GLIS3: variants seen among roughly 807,000 people sequenced by gnomAD.
The protein encoded by GLIS3 is zinc finger protein GLIS3.
A neutral mutation model predicts 78.6 loss-of-function variants in GLIS3; 53 were observed. The observed-to-expected ratio is 0.67, with a 90% CI of 0.54 to 0.85. The LOEUF is 0.85. Among genes scored for constraint, GLIS3 ranks in the 40% least tolerant of loss-of-function variants. The pLI is 0.00. For missense variants in GLIS3, 1,703 were observed against 1,231.1 expected, an observed-to-expected ratio of 1.38 and a Z score of -5.74; for synonymous variants, 684 against 509.9, an observed-to-expected ratio of 1.34 and a Z score of -4.60.
At chr9:3,936,876 A>G (rs1035160971) in intron 5 of GLIS3, 152 bp downstream of exon 5, 2 of 965,354 alleles carry the variant, frequency 2.1e-6, no homozygotes, top group African/African-American at 1.6e-5. Flanking sequence ...ATAGGGCCCC[A>G]TCTGGCCTTT....
chr9:4,096,885 G>A (rs552447914), intron 4 of GLIS3, among the ~76,000 whole-genome samples: 3 of 152,186 alleles, frequency 2.0e-5, no homozygotes, highest in Admixed American at 1.3e-4. Context: ...AGTGGCAGGC[G>A]CCTGTAATCC....
At chr9:4,207,345 G>C (rs970455004) in intron 2 of GLIS3, among the ~76,000 whole-genome samples, 1 of 152,156 alleles carries the variant, frequency 6.6e-6, no homozygotes, top group African/African-American at 2.4e-5. Context: ...CTTAACTTAG[G>C]AATTTCCATT....
the GLIS3 span, among the ~76,000 whole-genome samples, chr9:4,455,560 C>T: frequency 4.8e-4 from 73 of 152,294 alleles, no homozygotes; most frequent in African/African-American, 1.7e-3. Flanking sequence ...AGCGGATGAA[C>T]TTGCCTCTAA....
intron 2 of GLIS3, among the ~76,000 whole-genome samples, chr9:4,204,528 G>C (rs1412600255): frequency 6.6e-6 from 1 of 152,108 alleles, no homozygotes; most frequent in African/African-American, 2.4e-5. Context: ...AGCCCACCAA[G>C]GAACTAACGT....
chr9:3,927,960 TC>T (rs1825363105), intron 6 of GLIS3, among the ~76,000 whole-genome samples: 1 of 152,206 alleles, frequency 6.6e-6, no homozygotes, highest in African/African-American at 2.4e-5. Context: ...CAAAAGCATC[TC>T]CCAGAGCCTT....
chr9:4,270,237 C>T (rs1222203500), intron 2 of GLIS3, among the ~76,000 whole-genome samples: 2 of 152,224 alleles, frequency 1.3e-5, no homozygotes, highest in African/African-American at 4.8e-5. Flanking sequence ...AAATTACTTC[C>T]TGCCTTCCTG....
chr9:4,373,255 G>C, the GLIS3 span, among the ~76,000 whole-genome samples: 1 of 150,872 alleles, frequency 6.6e-6, no homozygotes, highest in Non-Finnish European at 1.5e-5. Context: ...TTAAGGCAGA[G>C]TATGAGCAGT....
the GLIS3 span, among the ~76,000 whole-genome samples, chr9:4,392,204 C>T: frequency 6.6e-6 from 1 of 150,608 alleles, no homozygotes; most frequent in African/African-American, 2.4e-5. Flanking sequence ...AGCACATGGA[C>T]ACAGGGAGGG....
Position 3,879,442 on chromosome 9 carries a change from T to C in GLIS3, c.2282A>G (p.Asp761Gly). Reference sequence around the variant, plus strand: ...ATGGCCTTACCTCTCAGCTCCTGCGTCCACAGCTGTGAGTGGAGGTAACTG... The same window carrying C: ...ATGGCCTTACCTCTCAGCTCCTGCGCCCACAGCTGTGAGTGGAGGTAACTG... ...SSQLPPLTAV[D>G]AGAERFAPSA... The change falls in exon 8 of 11, where the codon GAC becomes GGC. Residue 761 changes from aspartate to glycine, a missense_variant. Coordinates refer to ENST00000381971, the MANE Select transcript of GLIS3 (RefSeq NM_001042413.2). The C allele has an allele frequency of 6.2e-7, 1 of 1,614,064 alleles. No individual in the cohort carries two copies.
At chr9:4,313,722 C>G (rs983840484) in intron 2 of GLIS3, among the ~76,000 whole-genome samples, 1 of 152,210 alleles carries the variant, frequency 6.6e-6, no homozygotes, top group Admixed American at 6.5e-5. Context: ...CTGGACCAGT[C>G]TCCCACCTTA....
chr9:4,431,535 C>A, the GLIS3 span, among the ~76,000 whole-genome samples: 4 of 152,106 alleles, frequency 2.6e-5, no homozygotes, highest in Non-Finnish European at 2.9e-5. Flanking sequence ...CAGAGGCTGG[C>A]AAATGTTTTC....
intron 5 of GLIS3, 114 bp from the exon 6 acceptor site, chr9:3,932,584 G>T: frequency 1.3e-6 from 1 of 783,264 alleles, no homozygotes; most frequent in Non-Finnish European, 2.3e-6. Flanking sequence ...ATTGACTGAT[G>T]TGAAATGCTA....
intron 2 of GLIS3, among the ~76,000 whole-genome samples, chr9:4,263,582 T>C (rs1232192415): frequency 2.6e-5 from 4 of 152,100 alleles, no homozygotes; most frequent in Non-Finnish European, 5.9e-5. Flanking sequence ...ATTCTACAGA[T>C]GTTTTAAAGT....
At chr9:3,948,746 GTTGT>G (rs1253116379) in intron 4 of GLIS3, among the ~76,000 whole-genome samples, 2 of 152,160 alleles carry the variant, frequency 1.3e-5, no homozygotes, top group Non-Finnish European at 2.9e-5. Flanking sequence ...TTAAACTACT[GTTGT>G]TTATTATTTC....
intron 4 of GLIS3, among the ~76,000 whole-genome samples, chr9:4,050,389 T>A (rs967944795): frequency 2.0e-5 from 3 of 152,048 alleles, no homozygotes; most frequent in African/African-American, 7.2e-5. Flanking sequence ...CAGGTGGGAA[T>A]TGAACAATGA....
rs549296126 is a variant in GLIS3 at position 4,202,137 on chromosome 9, T to C, written c.389-76196A>G. On this transcript the variant is annotated intron_variant, in intron 2 of 10. Transcript: ENST00000381971. ...TGGGTGACAGAGCAAGACTCTTTTT[T>C]TTCTCCCCCTTTTTCTTTTTTTTTT... Among the ~76,000 whole-genome samples, 754 of 128,930 alleles carry C rather than the reference T, an allele frequency of 5.8e-3. 5 individuals are homozygous for C. The highest frequency in any genetic ancestry group is 0.021 in the African/African-American group (717 of 34,192). 84.6% of individuals were successfully genotyped at this position (128,930 alleles called of 152,430 possible). A position where few individuals can be genotyped will look rare whatever the true frequency, so the allele number is the denominator to read the frequency against.
the GLIS3 span, among the ~76,000 whole-genome samples, chr9:4,392,083 T>C: frequency 6.6e-6 from 1 of 152,134 alleles, no homozygotes; most frequent in African/African-American, 2.4e-5. Flanking sequence ...AGGAATGAGA[T>C]CATGTCCTTT....
intron 4 of GLIS3, among the ~76,000 whole-genome samples, chr9:4,094,861 A>G (rs1027003037): frequency 3.9e-5 from 6 of 152,162 alleles, no homozygotes; most frequent in East Asian, 1.9e-4. Context: ...GATATTTGCT[A>G]TATATCAAAT....
At chr9:4,250,392 T>C (rs181367147) in intron 2 of GLIS3, among the ~76,000 whole-genome samples, 23 of 152,352 alleles carry the variant, frequency 1.5e-4, no homozygotes, top group African/African-American at 4.8e-4. Flanking sequence ...GATTTTCTAC[T>C]TTATTTGCAG....
Sources: allele counts gnomAD v4.1 joint callset (sites outside exome capture counted in the v4.1 genomes callset), GRCh38; gene constraint gnomAD v4.1.1; transcripts MANE v1.5; gene names NCBI Gene and HGNC (gene_info 2026-07-23, HGNC 2026-07-21).